Variants in KHDRBS2 observed in about 807,000 individuals in gnomAD.
KHDRBS2 encodes the protein KH RNA binding domain containing, signal transduction associated 2.
Under a neutral mutation model 44.3 loss-of-function variants are expected in KHDRBS2, and 26 were observed. That is an observed-to-expected ratio of 0.59 (90% CI 0.43 to 0.81). The LOEUF (loss-of-function observed/expected upper bound fraction) is 0.81. Among genes scored for constraint, KHDRBS2 ranks in the 40% least tolerant of loss-of-function variants. The pLI is 0.00. For missense variants in KHDRBS2, 476 were observed against 433.1 expected (o/e 1.10, Z -0.88); for synonymous variants, 194 against 151.1 (o/e 1.28, Z -2.08).
the KHDRBS2 span, among the ~76,000 whole-genome samples, chr6:61,622,750 T>C: frequency 6.6e-6 from 1 of 152,044 alleles, no homozygotes; most frequent in African/African-American, 2.4e-5. Flanking sequence ...CAGAGGATTG[T>C]ATTGCATGGA....
chr6:61,659,396 C>T, the KHDRBS2 span, among the ~76,000 whole-genome samples: 1 of 151,618 alleles, frequency 6.6e-6, no homozygotes, highest in Admixed American at 6.6e-5. Flanking sequence ...GTTAATGCCC[C>T]AAGCTTCATT....
intron 4 of KHDRBS2, among the ~76,000 whole-genome samples, chr6:61,917,985 T>C (rs1253405146): frequency 6.6e-6 from 1 of 151,970 alleles, no homozygotes; most frequent in African/African-American, 2.4e-5. Flanking sequence ...TCCATATACA[T>C]TTCTGATCTC....
At chr6:61,944,936 CA>C (rs1463243294) in intron 4 of KHDRBS2, among the ~76,000 whole-genome samples, 2 of 150,646 alleles carry the variant, frequency 1.3e-5, no homozygotes, top group East Asian at 3.9e-4. Context: ...ACTAAAAATA[CA>C]AAAATAAGCC....
intron 1 of KHDRBS2, among the ~76,000 whole-genome samples, chr6:62,209,452 T>A (rs1828632313): frequency 6.6e-6 from 1 of 152,226 alleles, no homozygotes; most frequent in South Asian, 2.1e-4. Context: ...TGTATATAGA[T>A]GTGTTTGCGT....
rs1450170370 is a variant in KHDRBS2, at chr6:61,900,058, A to AT, written c.611+1185dup. On this transcript the variant is annotated intron_variant, in intron 5 of 8. Transcript: ENST00000281156. The stretch of plus-strand genomic sequence containing the variant: ...AACAGCATTAGAGAGCTTATTTTTG[A>AT]TTTTTTAAAGATAAAATATAAATAA... Among the ~76,000 whole-genome samples the AT allele has an allele frequency of 2.0e-5, 3 of 151,958 alleles. No individual in the cohort carries two copies. In the East Asian group the frequency reaches 5.8e-4, roughly 29 times the overall value.
intron 1 of KHDRBS2, among the ~76,000 whole-genome samples, chr6:62,206,671 C>T (rs1006393036): frequency 2.4e-4 from 36 of 151,976 alleles, no homozygotes; most frequent in Non-Finnish European, 5.0e-4. Flanking sequence ...AATTACTCTT[C>T]CCAGTAAGTT....
In KHDRBS2 at chr6:61,955,524, GTATA is replaced by G. The variant is rs1562520492; in HGVS notation, c.483+22538_483+22541del. Among the ~76,000 whole-genome samples the G allele has an allele frequency of 6.5e-4, 24 of 37,090 alleles. 9 individuals carry two copies. The highest frequency in any genetic ancestry group is 3.4e-3 in the South Asian group (3 of 878). 24.3% of individuals were successfully genotyped at this position (37,090 alleles called of 152,430 possible). ...TGTATATATACACATATGTATGTAT[GTATA>G]CATGTGTATATATACACATATGTAT... On this transcript the variant is annotated intron_variant, in intron 4 of 8. Coordinates refer to ENST00000281156, the MANE Select transcript of KHDRBS2 (RefSeq NM_152688.4).
intron 1 of KHDRBS2, among the ~76,000 whole-genome samples, chr6:62,195,460 A>G (rs576558542): frequency 1.3e-5 from 2 of 152,306 alleles, no homozygotes; most frequent in South Asian, 2.1e-4. Flanking sequence ...TTAATAAAAT[A>G]AACTTAAGGA....
At chr6:62,078,398 T>C (rs1294628929) in intron 2 of KHDRBS2, among the ~76,000 whole-genome samples, 1 of 152,032 alleles carries the variant, frequency 6.6e-6, no homozygotes, top group East Asian at 1.9e-4. Flanking sequence ...GGATAACATG[T>C]GTATTAATAA....
chr6:61,559,470 C>T, the KHDRBS2 span, among the ~76,000 whole-genome samples: 3 of 151,764 alleles, frequency 2.0e-5, no homozygotes, highest in Middle Eastern at 0.01. Context: ...CATTTGTTTT[C>T]TGGTTATTTT....
chr6:61,826,397 G>A (rs1370241152), intron 6 of KHDRBS2, among the ~76,000 whole-genome samples: 2 of 152,020 alleles, frequency 1.3e-5, no homozygotes, highest in African/African-American at 4.8e-5. Context: ...CTCTTCTGAT[G>A]GGCCAAGGTT....
At chr6:61,846,880 A>G (rs1794494683) in intron 6 of KHDRBS2, among the ~76,000 whole-genome samples, 1 of 152,024 alleles carries the variant, frequency 6.6e-6, no homozygotes, top group African/African-American at 2.4e-5. Context: ...CATTTACAAT[A>G]ATTTTTCCTT....
chr6:61,890,563 CTCT>C (rs1451935439), intron 6 of KHDRBS2, among the ~76,000 whole-genome samples: 1 of 152,146 alleles, frequency 6.6e-6, no homozygotes, highest in African/African-American at 2.4e-5. Flanking sequence ...AAGTTTTTCT[CTCT>C]TCTTAATTTT....
At chr6:61,648,686 A>G in the KHDRBS2 span, among the ~76,000 whole-genome samples, 69 of 152,286 alleles carry the variant, frequency 4.5e-4, no homozygotes, top group African/African-American at 1.6e-3. Flanking sequence ...CATTCTAACC[A>G]TCCTGACTGG....
At chr6:61,566,584 C>T in the KHDRBS2 span, among the ~76,000 whole-genome samples, 20 of 152,170 alleles carry the variant, frequency 1.3e-4, no homozygotes, top group East Asian at 5.8e-4. Context: ...GTTTGACCTA[C>T]GCCCAGGAAT....
intron 2 of KHDRBS2, among the ~76,000 whole-genome samples, chr6:62,088,752 G>C (rs1798904752): frequency 6.6e-6 from 1 of 152,144 alleles, no homozygotes; most frequent in South Asian, 2.1e-4. Flanking sequence ...CGAGTGCTGT[G>C]CTTGGAGATC....
intron 4 of KHDRBS2, among the ~76,000 whole-genome samples, 195 bp from the exon 5 acceptor site, chr6:61,901,566 A>G (rs1449451933): frequency 6.6e-6 from 1 of 152,214 alleles, no homozygotes; most frequent in Non-Finnish European, 1.5e-5. Context: ...ATATAGAGAA[A>G]TTGAAATTGC....
chr6:61,747,908 G>A (rs1021549760), intron 6 of KHDRBS2, among the ~76,000 whole-genome samples: 1 of 152,144 alleles, frequency 6.6e-6, no homozygotes, highest in Non-Finnish European at 1.5e-5. Context: ...AAATGTAAAT[G>A]TTCAGGTTGT....
In KHDRBS2 at chr6:61,872,854, A is replaced by C. The variant is rs1583274001; in HGVS notation, c.810+21781T>G. Among the ~76,000 whole-genome samples the C allele has an allele frequency of 2.0e-5, 3 of 152,242 alleles. No individual in the cohort carries two copies. In the South Asian group the frequency reaches 6.2e-4, roughly 32 times the overall value. Reference sequence around the variant, plus strand: ...TTGGCTTATAGAAAGAAAAACAGAGACCAGAAAACTTGGAATCTGATCTTC... The same window carrying C: ...TTGGCTTATAGAAAGAAAAACAGAGCCCAGAAAACTTGGAATCTGATCTTC... On this transcript the variant is annotated intron_variant, in intron 6 of 8. Coordinates refer to ENST00000281156, the MANE Select transcript of KHDRBS2 (RefSeq NM_152688.4).
Sources: gnomAD v4.1 joint callset for allele counts (sites outside exome capture counted in the v4.1 genomes callset) on GRCh38, gnomAD v4.1.1 for gene constraint, MANE v1.5 for transcripts, NCBI Gene and HGNC (gene_info 2026-07-23, HGNC 2026-07-21) for gene names.